ANKDD1A: variants seen among roughly 807,000 people sequenced by gnomAD.
The protein encoded by ANKDD1A is ankyrin repeat and death domain-containing protein 1A.
In ANKDD1A, 59 loss-of-function variants were observed where a neutral mutation model predicts 63.5. The ratio of observed to expected loss-of-function variants is 0.93; its 90% CI spans 0.75 to 1.15. The LOEUF (loss-of-function observed/expected upper bound fraction) is 1.15, where lower values mean the gene tolerates loss of function less well. Ranked by LOEUF, ANKDD1A falls within the 50% of genes most tolerant of loss-of-function variation. ANKDD1A has a pLI of 0.00. For missense variants in ANKDD1A, 632 were observed against 656.4 expected (o/e 0.96, Z 0.41); for synonymous variants, 266 against 263.9 (o/e 1.01, Z -0.08).
chr15:64,943,599 C>T lies in ANKDD1A; in HGVS notation c.1065+17C>T, dbSNP rs368677616. The stretch of plus-strand genomic sequence containing the variant: ...AGAGATAAGGTACCTCTGCTTACAA[C>T]CCACCTCGCTTCAGGCTTTCATGGC... On this transcript the variant is annotated intron_variant, in intron 11 of 14. Coordinates refer to ENST00000319580, the MANE Select transcript of ANKDD1A (RefSeq NM_182703.6). 1 of 1,611,848 alleles carries T rather than the reference C, an allele frequency of 6.2e-7. No individual in the cohort carries two copies. Among genetic ancestry groups the T allele is most frequent in the East Asian group, 2.2e-5 (1 of 44,862 alleles).
chr15:64,949,066 T>C (rs756631455), intron 13 of ANKDD1A, among the ~76,000 whole-genome samples: 7 of 152,204 alleles, frequency 4.6e-5, no homozygotes, highest in Non-Finnish European at 1.0e-4. Flanking sequence ...ACATGCCTGC[T>C]GAGGGCCCCA....
chr15:64,927,612 T>TC (rs1465887072), intron 6 of ANKDD1A, among the ~76,000 whole-genome samples: 1 of 150,206 alleles, frequency 6.7e-6, no homozygotes, highest in East Asian at 1.9e-4. Context: ...CTTTTTTTTT[T>TC]TTTTTTTTTT....
At position 64,954,718 on chromosome 15, in the gene ANKDD1A, T is replaced by C. The variant is rs1341572703; in HGVS notation, c.1484-2385T>C. 2.2e-3 allele frequency among the ~76,000 whole-genome samples: 307 copies of C among 141,142 alleles called. 3 individuals are homozygous for C. Among genetic ancestry groups the C allele is most frequent in the Middle Eastern group, 3.9e-3 (1 of 254 alleles). The allele number at this position is 141,142 out of a possible 152,430, so 92.6% of individuals were successfully genotyped here. A position where few individuals can be genotyped will look rare whatever the true frequency, so the allele number is the denominator to read the frequency against. On this transcript the variant is annotated intron_variant, in intron 14 of 14. Transcript: ENST00000319580. ...TTGTTCTTCTCCTTCTTCTTCTCCT[T>C]CTCCTCCTCCTTCTTCTTCCTTCTC...
Position 64,911,948 on chromosome 15 carries a change from G to T in ANKDD1A, c.18G>T (p.Ala6=), listed in dbSNP as rs985155092. Residue 6 remains alanine (A), a synonymous_variant, in exon 1 of 15, where the codon GCG becomes GCT. Coordinates refer to ENST00000319580, the MANE Select transcript of ANKDD1A (RefSeq NM_182703.6). ...GCGGCAGGATGCAGGAGGAGCTGGC[G>T]TGGGAGACCGACGGCCGTGAGTCTG... is the stretch of plus-strand genomic sequence containing the variant. MQEEL[A]WETDGLLPLE... The T allele has an allele frequency of 4.8e-6, 6 of 1,239,884 alleles. No homozygotes were observed. The African/African-American group carries it at 7.8e-5, about 16-fold the overall frequency. The allele number at this position is 1,239,884 out of a possible 1,614,324, so 76.8% of individuals were successfully genotyped here.
rs1453729149 is a variant in ANKDD1A at position 64,940,434 on chromosome 15, ATATAGAT to A, written c.868-2032_868-2026del. 1.2e-3 allele frequency among the ~76,000 whole-genome samples: 63 copies of A among 53,332 alleles called. 1 individual carries two copies. Among genetic ancestry groups the A allele is most frequent in the Non-Finnish European group, 1.2e-3 (22 of 18,752 alleles). 35.0% of individuals were successfully genotyped at this position (53,332 alleles called of 152,430 possible). ...TAGATAGATAGATAGATAGATAGATATATAGATATTTTTTTTGAGACAGAGTCTTGCT... is the reference window on the plus strand; with the variant it reads ...TAGATAGATAGATAGATAGATAGATAATTTTTTTTGAGACAGAGTCTTGCT... On this transcript the variant is annotated intron_variant, in intron 9 of 14. Transcript: ENST00000319580.
intron 14 of ANKDD1A, among the ~76,000 whole-genome samples, chr15:64,955,838 A>G (rs1243940218): frequency 2.0e-5 from 3 of 152,208 alleles, no homozygotes; most frequent in Admixed American, 6.5e-5. Flanking sequence ...TCTGTCCACA[A>G]TATACTTTTA....
intron 14 of ANKDD1A, among the ~76,000 whole-genome samples, chr15:64,954,744 C>CTTTT (rs377756194): frequency 7.8e-6 from 1 of 127,596 alleles, no homozygotes; most frequent in East Asian, 2.1e-4. Context: ...CTTCCTTCTC[C>CTTTT]TTCTTCTTTC....
At chr15:64,926,034 G>C (rs1257384967) in intron 4 of ANKDD1A, 32 bp from the exon 5 acceptor site, 1 of 1,590,142 alleles carries the variant, frequency 6.3e-7, no homozygotes, top group South Asian at 1.1e-5. Flanking sequence ...TCCCTTCACA[G>C]ACTGCAGGAA....
At position 64,925,182 on chromosome 15, in the gene ANKDD1A, C is replaced by G. The variant is rs148289534; in HGVS notation, c.367-884C>G. On this transcript the variant is annotated intron_variant, in intron 4 of 14. Coordinates refer to ENST00000319580, the MANE Select transcript of ANKDD1A (RefSeq NM_182703.6). ...GGTGGAAGTTGCAGTGAGCCGAGAT[C>G]GCACCACTGTACTCTAGCCTGGGAG... Among the ~76,000 whole-genome samples the G allele has an allele frequency of 1.6e-3, 234 of 144,608 alleles. 2 individuals carry two copies. Among genetic ancestry groups the G allele is most frequent in the African/African-American group, 6.0e-3 (229 of 38,404 alleles). 94.9% of individuals were successfully genotyped at this position (144,608 alleles called of 152,430 possible).
intron 6 of ANKDD1A, among the ~76,000 whole-genome samples, chr15:64,928,055 C>A (rs529112383): frequency 5.1e-4 from 78 of 152,300 alleles, no homozygotes; most frequent in Non-Finnish European, 9.3e-4. Context: ...GGTCTTGGAA[C>A]TGGAAGGCAT....
intron 14 of ANKDD1A, among the ~76,000 whole-genome samples, chr15:64,952,250 TCTC>T (rs969314490): frequency 4.0e-5 from 6 of 150,880 alleles, no homozygotes; most frequent in Admixed American, 6.6e-5. Flanking sequence ...TTCTTATTCT[TCTC>T]CTTCTTCCTT....
At chr15:64,947,379 T>C (rs776914211) in intron 12 of ANKDD1A, 25 bp from the exon 13 acceptor site, 1 of 1,602,250 alleles carries the variant, frequency 6.2e-7, no homozygotes, top group East Asian at 2.2e-5. Flanking sequence ...GGAGAGCTTC[T>C]GCACTTTTGG....
intron 9 of ANKDD1A, among the ~76,000 whole-genome samples, chr15:64,942,089 G>C (rs1198842891): frequency 6.6e-6 from 1 of 152,134 alleles, no homozygotes; most frequent in Admixed American, 6.5e-5. Context: ...ATACTTCCTA[G>C]GTTGATGTGT....
Position 64,949,829 on chromosome 15 carries a change from C to T in ANKDD1A, c.1352-12C>T. 1 of 1,599,844 alleles carries T rather than the reference C, an allele frequency of 6.3e-7. No homozygotes were observed. The highest frequency in any genetic ancestry group is 1.1e-5 in the South Asian group (1 of 91,048). On this transcript the variant is annotated splice_polypyrimidine_tract_variant and intron_variant, in intron 13 of 14. Transcript: ENST00000319580. ...CCTTCTCCCTCTCTCTCTCCTCCCT[C>T]ACTGTTCTCAGGCACCAGGAGCTAT...
intron 14 of ANKDD1A, among the ~76,000 whole-genome samples, chr15:64,951,711 C>CTTCGTTCTTCCTTTCT (rs2085283911): frequency 3.2e-5 from 2 of 61,838 alleles, no homozygotes; most frequent in East Asian, 9.0e-4. Context: ...TCCTTATTTT[C>CTTCGTTCTTCCTTTCT]TTTTTCTTCC....
Position 64,957,208 on chromosome 15 carries a change from C to T in ANKDD1A, c.*20C>T, listed in dbSNP as rs539663469. ...GAGTAGCTGGGATTACAGGTGCATG[C>T]CATCACAGCTGGCTAATTTTTGTAT... is the stretch of plus-strand genomic sequence containing the variant. On this transcript the variant is annotated 3_prime_UTR_variant, in exon 15 of 15. Transcript: ENST00000319580. 397 of 340,982 alleles carry T rather than the reference C, an allele frequency of 1.2e-3. 1 individual carries two copies. The highest frequency in any genetic ancestry group is 1.7e-3 in the Non-Finnish European group (288 of 174,256). The allele number at this position is 340,982 out of a possible 1,614,324, so 21.1% of individuals were successfully genotyped here.
intron 6 of ANKDD1A, among the ~76,000 whole-genome samples, chr15:64,929,065 T>C (rs2085068605): frequency 1.3e-5 from 2 of 152,226 alleles, no homozygotes; most frequent in South Asian, 4.1e-4. Context: ...TTGTCCTGGC[T>C]CGCAGCAGCC....
chr15:64,929,196 C>T (rs1305409398), intron 6 of ANKDD1A, among the ~76,000 whole-genome samples: 1 of 151,892 alleles, frequency 6.6e-6, no homozygotes, highest in Non-Finnish European at 1.5e-5. Context: ...TTTTTTGAGA[C>T]AAGATCTTAC....
intron 14 of ANKDD1A, chr15:64,950,267 G>A: frequency 1.0e-6 from 1 of 985,316 alleles, no homozygotes; most frequent in South Asian, 4.7e-5. Flanking sequence ...TCTATACCTT[G>A]ACATTTTTTT....
Sources: allele counts gnomAD v4.1 joint callset (sites outside exome capture counted in the v4.1 genomes callset), GRCh38; gene constraint gnomAD v4.1.1; transcripts MANE v1.5; gene names NCBI Gene and HGNC (gene_info 2026-07-23, HGNC 2026-07-21).